Variants in SARAF observed in about 807,000 individuals in gnomAD.
The protein encoded by SARAF is store-operated calcium entry associated regulatory factor, also known as store-operated calcium entry-associated regulatory factor.
A neutral mutation model predicts 39.7 loss-of-function variants in SARAF; 23 were observed. That is an observed-to-expected ratio of 0.58 (90% confidence interval 0.42 to 0.82). SARAF has a LOEUF of 0.82. SARAF is among the 40% of genes least tolerant of loss of function. The probability of loss-of-function intolerance (pLI) is 0.00; values close to 1 mark genes in which losing one functional copy is unlikely to be tolerated. For synonymous variants in SARAF, 175 were observed against 168.5 expected, an observed-to-expected ratio of 1.04 and a Z score of -0.30; for missense variants, 384 against 418.5, an observed-to-expected ratio of 0.92 and a Z score of 0.72.
intron 1 of SARAF, among the ~76,000 whole-genome samples, chr8:30,078,877 C>G (rs1802035600): frequency 6.6e-6 from 1 of 151,982 alleles, no homozygotes; most frequent in African/African-American, 2.4e-5. Context: ...TTATCATCAG[C>G]CAGGCACGGT....
At chr8:30,073,403 C>T (rs977139684) in intron 2 of SARAF, among the ~76,000 whole-genome samples, 1 of 152,164 alleles carries the variant, frequency 6.6e-6, no homozygotes, top group East Asian at 1.9e-4. Context: ...ATGAAACCTG[C>T]CGAAATGCTT....
At chr8:30,073,803 C>G (rs1278193525) in intron 2 of SARAF, 74 bp downstream of exon 2, 10 of 1,366,422 alleles carry the variant, frequency 7.3e-6, no homozygotes, top group Non-Finnish European at 9.2e-6. Context: ...CCTCAAAAGA[C>G]TGAATAATGT....
intron 1 of SARAF, among the ~76,000 whole-genome samples, chr8:30,077,386 G>GA (rs2117440788): frequency 6.6e-6 from 1 of 152,302 alleles, no homozygotes; most frequent in South Asian, 2.1e-4. Context: ...TGAGCCTGGG[G>GA]AGGTCGAGGC....
intron 3 of SARAF, 40 bp from the exon 4 acceptor site, chr8:30,066,958 C>T (rs146559886): frequency 3.4e-5 from 55 of 1,597,946 alleles, no homozygotes; most frequent in Non-Finnish European, 4.4e-5. Context: ...CTCACTTAAA[C>T]ATGACAGTCT....
chr8:30,063,780 T>C lies in SARAF; in HGVS notation c.*108A>G. The C allele has an allele frequency of 1.0e-6, 1 of 975,656 alleles. No individual in the cohort carries two copies. The highest frequency in any genetic ancestry group is 1.6e-6 in the Non-Finnish European group (1 of 607,186). 60.4% of individuals were successfully genotyped at this position (975,656 alleles called of 1,614,324 possible). A position where few individuals can be genotyped will look rare whatever the true frequency, so the allele number is the denominator to read the frequency against. ...ACTGGACATAACACCACAGAACTTT[T>C]GAATATCCCCTTTTCCCAATTGTTA... On this transcript the variant is annotated 3_prime_UTR_variant, in exon 6 of 6. Transcript: ENST00000256255.
chr8:30,075,202 A>G (rs373122366), intron 1 of SARAF, among the ~76,000 whole-genome samples: 1 of 152,064 alleles, frequency 6.6e-6, no homozygotes, highest in Admixed American at 6.6e-5. Flanking sequence ...TGGGAGGGTG[A>G]GGCAGGAGAA....
At chr8:30,077,822 A>C (rs2117441530) in intron 1 of SARAF, among the ~76,000 whole-genome samples, 1 of 149,150 alleles carries the variant, frequency 6.7e-6, no homozygotes, top group South Asian at 2.1e-4. Flanking sequence ...AAAAAGAAAA[A>C]AGAAAGTAGA....
chr8:30,079,155 T>C lies in SARAF; in HGVS notation c.103+3692A>G, dbSNP rs1585446584. Among the ~76,000 whole-genome samples, 6 of 95,802 alleles carry C rather than the reference T, an allele frequency of 6.3e-5. No homozygotes were observed. The South Asian group carries it at 2.0e-3, about 31-fold the overall frequency. The allele number at this position is 95,802 out of a possible 152,430, so 62.8% of individuals were successfully genotyped here. The stretch of plus-strand genomic sequence containing the variant: ...CCTGGGCGACAAGAGTGAAACTCCA[T>C]CTCAAAAAAAAAAAAAAAAAAAAAG... On this transcript the variant is annotated intron_variant, in intron 1 of 5. Transcript: ENST00000256255.
chr8:30,074,991 G>A (rs1205796839), intron 1 of SARAF, among the ~76,000 whole-genome samples: 1 of 152,110 alleles, frequency 6.6e-6, no homozygotes, highest in Middle Eastern at 3.2e-3. Context: ...ATTATGTCTG[G>A]CATTCATGTG....
intron 3 of SARAF, among the ~76,000 whole-genome samples, chr8:30,069,073 AT>A (rs1239039287): frequency 2.0e-5 from 3 of 151,430 alleles, no homozygotes; most frequent in Non-Finnish European, 4.4e-5. Context: ...GTCAGGGCAA[AT>A]GATTATTAGC....
chr8:30,078,075 G>A (rs1337203849), intron 1 of SARAF: 7 of 253,148 alleles, frequency 2.8e-5, no homozygotes, highest in African/African-American at 1.5e-4. Flanking sequence ...GGGAAGCAGA[G>A]GTTGCAGCGA....
intron 3 of SARAF, among the ~76,000 whole-genome samples, chr8:30,068,624 G>C (rs560134868): frequency 7.9e-6 from 1 of 127,370 alleles, no homozygotes; most frequent in East Asian, 2.4e-4. Flanking sequence ...GCTGGTCCCT[G>C]GTGCCAAAAA....
At chr8:30,074,113 G>A in intron 1 of SARAF, 58 bp from the exon 2 acceptor site, 4 of 1,558,926 alleles carry the variant, frequency 2.6e-6, no homozygotes, top group Non-Finnish European at 3.5e-6. Flanking sequence ...AGAAAGAAAG[G>A]TTCATCCTAA....
In SARAF at chr8:30,070,073, T is replaced by C. The variant is rs760662832; in HGVS notation, c.283-14A>G. The C allele has an allele frequency of 6.5e-5, 99 of 1,514,986 alleles. No individual in the cohort carries two copies. The highest frequency in any genetic ancestry group is 1.7e-4 in the Middle Eastern group (1 of 5,764). 93.8% of individuals were successfully genotyped at this position (1,514,986 alleles called of 1,614,324 possible). On this transcript the variant is annotated splice_polypyrimidine_tract_variant and intron_variant, in intron 2 of 5. Transcript: ENST00000256255. ...CTTACATTCCCACTGTGAAGAAAAATAGAAACAGACTATTAGAAACAAACA... is the reference window on the plus strand; with the variant it reads ...CTTACATTCCCACTGTGAAGAAAAACAGAAACAGACTATTAGAAACAAACA...
At chr8:30,079,744 T>C (rs1802056314) in intron 1 of SARAF, among the ~76,000 whole-genome samples, 4 of 152,224 alleles carry the variant, frequency 2.6e-5, no homozygotes, top group Admixed American at 2.6e-4. Context: ...ATTTATTATC[T>C]GGCTGAGTAC....
At position 30,066,945 on chromosome 8, in the gene SARAF, A is replaced by G. The variant is rs372509672; in HGVS notation, c.701-27T>C. 120 of 1,544,662 alleles carry G rather than the reference A, an allele frequency of 7.8e-5. No homozygotes were observed. The African/African-American group carries it at 1.2e-3, about 16-fold the overall frequency. On this transcript the variant is annotated intron_variant, in intron 3 of 5. Coordinates refer to ENST00000256255, the MANE Select transcript of SARAF (RefSeq NM_016127.6). ...TTAAAATAAAAATGATTTATTATGT[A>G]TCCTCACTTAAACATGACAGTCTAC...
At chr8:30,065,949 T>C (rs1305598956) in intron 5 of SARAF, 39 bp downstream of exon 5, 11 of 1,557,220 alleles carry the variant, frequency 7.1e-6, no homozygotes, top group African/African-American at 1.3e-5. Context: ...TTCTGTACTT[T>C]ACTCCTAGGT....
intron 3 of SARAF, among the ~76,000 whole-genome samples, chr8:30,069,134 A>AGTT (rs1801766888): frequency 1.0e-5 from 1 of 97,830 alleles, no homozygotes; most frequent in South Asian, 3.3e-4. Context: ...TTAATCAGGC[A>AGTT]TTTTTTTTTT....
intron 2 of SARAF, among the ~76,000 whole-genome samples, chr8:30,072,932 G>T: frequency 6.6e-6 from 1 of 152,032 alleles, no homozygotes; most frequent in African/African-American, 2.4e-5. Flanking sequence ...ATTCATTTTT[G>T]TATATTGCAA....
Sources: allele counts gnomAD v4.1 joint callset (sites outside exome capture counted in the v4.1 genomes callset), GRCh38; gene constraint gnomAD v4.1.1; transcripts MANE v1.5; gene names NCBI Gene and HGNC (gene_info 2026-07-23, HGNC 2026-07-21).